The following DLGAP2 variants were observed in gnomAD, a reference collection of about 807,000 sequenced individuals.
DLGAP2 encodes disks large-associated protein 2.
In DLGAP2, 26 loss-of-function variants were observed where a neutral mutation model predicts 100.3. The ratio of observed to expected loss-of-function variants is 0.26; its 90% CI spans 0.19 to 0.36. The LOEUF (loss-of-function observed/expected upper bound fraction) is 0.36. DLGAP2 is among the 10% of genes least tolerant of loss of function. DLGAP2 has a pLI of 1.00. For missense variants in DLGAP2, 1,858 were observed against 1,453.2 expected, an observed-to-expected ratio of 1.28 and a Z score of -4.53; for synonymous variants, 886 against 630.1, an observed-to-expected ratio of 1.41 and a Z score of -6.08.
chr8:935,090 TA>T (rs1330183565), intron 2 of DLGAP2, among the ~76,000 whole-genome samples: 10 of 152,194 alleles, frequency 6.6e-5, no homozygotes, highest in African/African-American at 2.4e-4. Flanking sequence ...AAGTGGCCAT[TA>T]AACCCCACAC....
At chr8:1,349,422 A>G (rs1563098352) in intron 3 of DLGAP2, among the ~76,000 whole-genome samples, 1 of 95,042 alleles carries the variant, frequency 1.1e-5, no homozygotes, top group East Asian at 3.6e-4. Context: ...CACAGGTAGG[A>G]AGGGGGTTTG....
chr8:1,389,094 T>C (rs1796286322), intron 3 of DLGAP2, among the ~76,000 whole-genome samples: 1 of 151,262 alleles, frequency 6.6e-6, no homozygotes, highest in African/African-American at 2.4e-5. Flanking sequence ...GGTTCAGGTG[T>C]CAGGGCTGTG....
intron 1 of DLGAP2, among the ~76,000 whole-genome samples, chr8:746,114 G>A (rs7007719): frequency 0.8 from 122,457 of 152,170 alleles, 49,734 homozygotes; most frequent in South Asian, 0.86. Context: ...CCGGGGGTGC[G>A]TCGCTGCTTT....
chr8:1,162,056 C>T (rs1585112269), intron 2 of DLGAP2, among the ~76,000 whole-genome samples: 3 of 152,218 alleles, frequency 2.0e-5, no homozygotes, highest in Admixed American at 1.3e-4. Context: ...CCGGAGCCTG[C>T]GTTTGCAGCA....
chr8:1,074,747 G>C (rs149685539), intron 2 of DLGAP2, among the ~76,000 whole-genome samples: 1 of 152,196 alleles, frequency 6.6e-6, no homozygotes, highest in Non-Finnish European at 1.5e-5. Flanking sequence ...TCGTCAAGGC[G>C]TGGGTGATTT....
chr8:888,879 A>T (rs909913696), intron 1 of DLGAP2, among the ~76,000 whole-genome samples: 1 of 152,104 alleles, frequency 6.6e-6, no homozygotes, highest in African/African-American at 2.4e-5. Context: ...AGCAGGTTTC[A>T]TGCTTGTCCG....
chr8:1,084,143 C>T (rs1452442830), intron 2 of DLGAP2, among the ~76,000 whole-genome samples: 1 of 152,124 alleles, frequency 6.6e-6, no homozygotes, highest in Non-Finnish European at 1.5e-5. Flanking sequence ...TGTTTAATAT[C>T]AGTAAGTCTT....
At chr8:864,937 G>A (rs1247699120) in intron 1 of DLGAP2, among the ~76,000 whole-genome samples, 1 of 152,166 alleles carries the variant, frequency 6.6e-6, no homozygotes, top group Admixed American at 6.5e-5. Flanking sequence ...CAAGTTAAAT[G>A]TATTCTTAGA....
chr8:1,170,510 T>G (rs1173934676), intron 2 of DLGAP2, among the ~76,000 whole-genome samples: 1 of 151,634 alleles, frequency 6.6e-6, no homozygotes, highest in Non-Finnish European at 1.5e-5. Context: ...ATCCATCTGG[T>G]CCTGGACTCT....
At chr8:877,516 G>T (rs1230566968) in intron 1 of DLGAP2, among the ~76,000 whole-genome samples, 1 of 152,328 alleles carries the variant, frequency 6.6e-6, no homozygotes, top group South Asian at 2.1e-4. Flanking sequence ...GCCACTAATT[G>T]CTGCTGATTG....
chr8:1,362,037 G>A (rs532909757), intron 3 of DLGAP2, among the ~76,000 whole-genome samples: 8 of 152,304 alleles, frequency 5.3e-5, no homozygotes, highest in African/African-American at 1.9e-4. Flanking sequence ...CAAGTTCGGT[G>A]TCTGGGGTTA....
intron 3 of DLGAP2, among the ~76,000 whole-genome samples, chr8:1,355,361 T>A (rs1374659822): frequency 2.6e-5 from 4 of 151,924 alleles, no homozygotes; most frequent in Non-Finnish European, 5.9e-5. Context: ...GTATGAGTGG[T>A]TTTTTGTTTT....
At chr8:937,537 A>G (rs535175031) in intron 2 of DLGAP2, among the ~76,000 whole-genome samples, 2 of 152,144 alleles carry the variant, frequency 1.3e-5, no homozygotes, top group South Asian at 2.1e-4. Context: ...AGCTCTGTGG[A>G]TGGTGGGGTG....
At chr8:1,262,215 G>C (rs1009693598) in intron 3 of DLGAP2, among the ~76,000 whole-genome samples, 1 of 152,144 alleles carries the variant, frequency 6.6e-6, no homozygotes, top group Admixed American at 6.5e-5. Context: ...TACAGTTGGG[G>C]AATCTCTACG....
At chr8:904,345 C>T (rs1379667665) in intron 1 of DLGAP2, among the ~76,000 whole-genome samples, 1 of 152,000 alleles carries the variant, frequency 6.6e-6, no homozygotes, top group Non-Finnish European at 1.5e-5. Context: ...TGTGGCAAAA[C>T]CCAATCTCTA....
At chr8:1,036,740 G>T (rs1207079570) in intron 2 of DLGAP2, among the ~76,000 whole-genome samples, 1 of 152,172 alleles carries the variant, frequency 6.6e-6, no homozygotes, top group Non-Finnish European at 1.5e-5. Context: ...AGCTGTAGCG[G>T]AGCGTGGAGT....
At chr8:1,541,124 G>A (rs1180492942) in intron 4 of DLGAP2, among the ~76,000 whole-genome samples, 1 of 152,178 alleles carries the variant, frequency 6.6e-6, no homozygotes, top group Non-Finnish European at 1.5e-5. Flanking sequence ...GAAATTTGCG[G>A]AGGATGTAAA....
At chr8:1,024,409 C>T (rs1210481262) in intron 2 of DLGAP2, among the ~76,000 whole-genome samples, 1 of 151,614 alleles carries the variant, frequency 6.6e-6, no homozygotes, top group South Asian at 2.1e-4. Flanking sequence ...GGTGGACAGT[C>T]CCGTGCCGAG....
At chr8:1,464,575 T>A (rs73534675) in intron 3 of DLGAP2, among the ~76,000 whole-genome samples, 29,326 of 145,584 alleles carry the variant, frequency 0.2, 2,912 homozygotes, top group South Asian at 0.28. Flanking sequence ...AGGACGGCTC[T>A]CTTCCAGGAC....
Sources: gnomAD v4.1 joint callset for allele counts (sites outside exome capture counted in the v4.1 genomes callset) on GRCh38, gnomAD v4.1.1 for gene constraint, MANE v1.5 for transcripts, NCBI Gene and HGNC (gene_info 2026-07-23, HGNC 2026-07-21) for gene names.